The following PDZRN4 variants were observed in gnomAD, a reference collection of about 807,000 sequenced individuals.
PDZRN4 encodes PDZ domain-containing RING finger protein 4.
In PDZRN4, 70 loss-of-function variants were observed where a neutral mutation model predicts 99.0. The ratio of observed to expected loss-of-function variants is 0.71; its 90% CI spans 0.58 to 0.86. PDZRN4 has a LOEUF of 0.86. Ranked by LOEUF, PDZRN4 falls within the 40% of genes least tolerant of loss-of-function variation. PDZRN4 has a pLI of 0.00. For synonymous variants in PDZRN4, 551 were observed against 501.6 expected (o/e 1.10, Z -1.32); for missense variants, 1,474 against 1,331.2 (o/e 1.11, Z -1.67).
chr12:41,321,513 G>T (rs2120973570), intron 3 of PDZRN4, among the ~76,000 whole-genome samples: 1 of 152,244 alleles, frequency 6.6e-6, no homozygotes, highest in African/African-American at 2.4e-5. Flanking sequence ...CTCTCTCATG[G>T]AAAAGTAAAA....
At chr12:41,277,093 G>T (rs986837504) in intron 3 of PDZRN4, among the ~76,000 whole-genome samples, 5 of 152,122 alleles carry the variant, frequency 3.3e-5, no homozygotes, top group African/African-American at 1.2e-4. Flanking sequence ...AACAAATTGA[G>T]TATGTTGTTG....
chr12:41,536,147 A>G (rs1204330495), intron 5 of PDZRN4, among the ~76,000 whole-genome samples: 1 of 152,218 alleles, frequency 6.6e-6, no homozygotes, highest in Admixed American at 6.5e-5. Flanking sequence ...CAAGGTTAAA[A>G]TCTACTTCCT....
intron 5 of PDZRN4, among the ~76,000 whole-genome samples, chr12:41,548,641 A>G (rs1172956694): frequency 2.0e-5 from 3 of 152,190 alleles, no homozygotes; most frequent in Admixed American, 6.5e-5. Flanking sequence ...GCATGGGCCT[A>G]AGGGTTCTTT....
intron 3 of PDZRN4, among the ~76,000 whole-genome samples, chr12:41,433,789 C>A (rs746625201): frequency 1.3e-5 from 2 of 152,152 alleles, no homozygotes; most frequent in Non-Finnish European, 2.9e-5. Context: ...ATAAGGGGCA[C>A]AATTATGTAC....
chr12:41,315,833 A>C (rs1179658682), intron 3 of PDZRN4, among the ~76,000 whole-genome samples: 24 of 152,132 alleles, frequency 1.6e-4, no homozygotes, highest in Admixed American at 1.5e-3. Flanking sequence ...TTAAATTGGA[A>C]AGGTAGAAAG....
At chr12:41,516,591 T>C (rs1273122776) in intron 5 of PDZRN4, among the ~76,000 whole-genome samples, 3 of 152,100 alleles carry the variant, frequency 2.0e-5, no homozygotes, top group African/African-American at 7.2e-5. Context: ...TTTTATTGTT[T>C]CTATTTTACC....
At chr12:41,504,752 A>G (rs978039501) in intron 3 of PDZRN4, among the ~76,000 whole-genome samples, 3 of 152,158 alleles carry the variant, frequency 2.0e-5, no homozygotes, top group African/African-American at 7.2e-5. Flanking sequence ...TCCAAGGTGT[A>G]TCAATGAAAA....
At chr12:41,562,070 T>G (rs757449742) in intron 7 of PDZRN4, among the ~76,000 whole-genome samples, 38 of 152,248 alleles carry the variant, frequency 2.5e-4, no homozygotes, top group Non-Finnish European at 3.4e-4. Flanking sequence ...GTTTCCTAAT[T>G]GGATGAATTT....
At chr12:41,243,417 G>A (rs1187290276) in intron 3 of PDZRN4, among the ~76,000 whole-genome samples, 2 of 152,164 alleles carry the variant, frequency 1.3e-5, no homozygotes, top group African/African-American at 2.4e-5. Context: ...GAAAAATATT[G>A]ATTTTAAAAT....
chr12:41,554,656 A>G (rs1185295157), intron 6 of PDZRN4, among the ~76,000 whole-genome samples: 1 of 152,168 alleles, frequency 6.6e-6, no homozygotes, highest in Non-Finnish European at 1.5e-5. Context: ...CCCGCAGTGA[A>G]CTGTAAGTCA....
At chr12:41,344,601 C>T (rs895179356) in intron 3 of PDZRN4, among the ~76,000 whole-genome samples, 5 of 150,548 alleles carry the variant, frequency 3.3e-5, no homozygotes, top group African/African-American at 1.2e-4. Flanking sequence ...AGTAAAGAAA[C>T]AAATAGGAAA....
chr12:41,315,491 T>A (rs1951632394), intron 3 of PDZRN4, among the ~76,000 whole-genome samples: 1 of 152,170 alleles, frequency 6.6e-6, no homozygotes, highest in Non-Finnish European at 1.5e-5. Flanking sequence ...ATATAAAAAA[T>A]TAATATGAGC....
intron 3 of PDZRN4, among the ~76,000 whole-genome samples, chr12:41,233,968 A>T (rs1951048309): frequency 6.6e-6 from 1 of 151,930 alleles, no homozygotes; most frequent in Non-Finnish European, 1.5e-5. Flanking sequence ...AAAACAAAGA[A>T]ATCTGTTTCC....
chr12:41,212,241 A>G (rs1373928367), intron 3 of PDZRN4, among the ~76,000 whole-genome samples: 1 of 152,090 alleles, frequency 6.6e-6, no homozygotes, highest in Non-Finnish European at 1.5e-5. Context: ...GTTGTTATAT[A>G]TAGACATATT....
At chr12:41,430,996 G>T (rs927867100) in intron 3 of PDZRN4, among the ~76,000 whole-genome samples, 4 of 152,140 alleles carry the variant, frequency 2.6e-5, no homozygotes, top group Admixed American at 6.5e-5. Context: ...ACCAGATCTT[G>T]TGAGGACCCT....
intron 3 of PDZRN4, among the ~76,000 whole-genome samples, chr12:41,388,467 CT>C (rs1952187421): frequency 6.6e-6 from 1 of 151,662 alleles, no homozygotes; most frequent in South Asian, 2.1e-4. Context: ...AAGACTTTGG[CT>C]TTTACTGTAA....
intron 3 of PDZRN4, among the ~76,000 whole-genome samples, chr12:41,410,149 A>G (rs58573939): frequency 6.6e-6 from 1 of 152,154 alleles, no homozygotes; most frequent in African/African-American, 2.4e-5. Flanking sequence ...TGAGAAAATG[A>G]AACATTTTAA....
intron 5 of PDZRN4, among the ~76,000 whole-genome samples, chr12:41,540,508 T>G (rs1488695903): frequency 1.3e-5 from 2 of 152,220 alleles, no homozygotes; most frequent in Non-Finnish European, 2.9e-5. Context: ...GTCATTTCTA[T>G]GTAACACAAA....
At chr12:41,351,002 C>A (rs1951886089) in intron 3 of PDZRN4, among the ~76,000 whole-genome samples, 1 of 152,024 alleles carries the variant, frequency 6.6e-6, no homozygotes, top group Non-Finnish European at 1.5e-5. Context: ...CAATATCTGA[C>A]AAAAGTCTAA....
Sources: gnomAD v4.1 joint callset for allele counts (sites outside exome capture counted in the v4.1 genomes callset) on GRCh38, gnomAD v4.1.1 for gene constraint, MANE v1.5 for transcripts, NCBI Gene and HGNC (gene_info 2026-07-23, HGNC 2026-07-21) for gene names.